ERAP1: variants seen among roughly 807,000 people sequenced by gnomAD.
ERAP1 encodes endoplasmic reticulum aminopeptidase 1, also known as adipocyte-derived leucine aminopeptidase.
In ERAP1, 86 loss-of-function variants were observed where a neutral mutation model predicts 103.7. The ratio of observed to expected loss-of-function variants is 0.83; its 90% CI spans 0.70 to 0.99. The LOEUF is 0.99. ERAP1 is among the 50% of genes least tolerant of loss of function. ERAP1 has a pLI of 0.00. For missense variants in ERAP1, 1,009 were observed against 1,128.4 expected, an observed-to-expected ratio of 0.89 and a Z score of 1.52; for synonymous variants, 398 against 402.4, an observed-to-expected ratio of 0.99 and a Z score of 0.13.
the ERAP1 span, among the ~76,000 whole-genome samples, chr5:96,866,222 C>G: frequency 1.3e-5 from 2 of 152,178 alleles, no homozygotes; most frequent in Non-Finnish European, 2.9e-5. Flanking sequence ...AAAGTGATCA[C>G]ATTTTCTGGT....
At chr5:96,860,786 T>G in the ERAP1 span, among the ~76,000 whole-genome samples, 1 of 152,250 alleles carries the variant, frequency 6.6e-6, no homozygotes, top group African/African-American at 2.4e-5. Flanking sequence ...TCTAAATGAT[T>G]GCCTCACTTT....
At chr5:96,782,900 T>C (rs1026121178) in intron 15 of ERAP1, 151 bp downstream of exon 15, 3 of 758,406 alleles carry the variant, frequency 4.0e-6, no homozygotes, top group East Asian at 2.7e-5. Context: ...ACGAGATACA[T>C]AGATAAATCT....
the ERAP1 span, among the ~76,000 whole-genome samples, chr5:96,913,710 G>C: frequency 6.6e-6 from 1 of 152,182 alleles, no homozygotes; most frequent in Non-Finnish European, 1.5e-5. Context: ...CATCAAGTCC[G>C]AGTTGAATTA....
chr5:96,908,919 A>G, the ERAP1 span: 4 of 1,561,756 alleles, frequency 2.6e-6, no homozygotes, highest in Non-Finnish European at 2.6e-6. Context: ...ATTAAAAACT[A>G]TAAGATATGC....
At chr5:96,917,396 C>T in the ERAP1 span, 21 of 1,387,154 alleles carry the variant, frequency 1.5e-5, no homozygotes, top group Admixed American at 1.6e-4. Context: ...GCTGGGATTA[C>T]AGGTGTGAAC....
rs781281686 is a variant in ERAP1 at position 96,767,895 on chromosome 5, C to A, written c.2819-4667G>T. The A allele has an allele frequency of 3.2e-6, 5 of 1,583,110 alleles. No homozygotes were observed. The African/African-American group carries it at 6.7e-5, about 21-fold the overall frequency. ...GCTTCTTCACTGATGGTTATTTCTA[C>A]TCATATCTCAGAAACCTGCAGATGA... On this transcript the variant is annotated intron_variant, in intron 19 of 19. Transcript: ENST00000296754.
At chr5:96,935,005 G>C in the ERAP1 span, 1 of 152,362 alleles carries the variant, frequency 6.6e-6, no homozygotes, top group Non-Finnish European at 1.5e-5. Flanking sequence ...GTTCGGCCTC[G>C]GAGGCTAGCG....
the ERAP1 span, among the ~76,000 whole-genome samples, chr5:96,911,551 G>T: frequency 1.3e-5 from 2 of 151,890 alleles, no homozygotes; most frequent in Non-Finnish European, 2.9e-5. Context: ...AGACTCTCTA[G>T]GCCTAGAGAG....
In ERAP1 at chr5:96,793,931, AC is replaced by A. The variant is rs1777024269; in HGVS notation, c.945del (p.Gln315HisfsTer10). 1 of 1,614,072 alleles carries A rather than the reference AC, an allele frequency of 6.2e-7. No individual in the cohort carries two copies. Among genetic ancestry groups the A allele is most frequent in the Admixed American group, 1.7e-5 (1 of 60,020 alleles). On this transcript the variant is annotated frameshift_variant, in exon 6 of 19. Transcript: ENST00000443439. LOFTEE classifies it high-confidence loss of function. ...KQDLAAIPDF[Q>X]SGAMENWGLT... ...AGTCCCCAGTTTTCCATAGCACCAG[AC>A]TGAAAGTCGGGAATAGCAGCAAGAT...
chr5:96,797,413 C>T (rs1385119445), intron 3 of ERAP1, 104 bp from the exon 4 acceptor site: 1 of 1,347,360 alleles, frequency 7.4e-7, no homozygotes, highest in South Asian at 1.2e-5. Context: ...TGTATCAATC[C>T]CAGCACTTGG....
At chr5:96,896,988 A>G in the ERAP1 span, 1 of 756,190 alleles carries the variant, frequency 1.3e-6, no homozygotes, top group Non-Finnish European at 1.9e-6. Context: ...CTATGTTGTC[A>G]TGGTCTATAG....
chr5:96,812,630 T>A (rs893581330), upstream of ERAP1, among the ~76,000 whole-genome samples: 11 of 152,268 alleles, frequency 7.2e-5, no homozygotes, highest in African/African-American at 2.7e-4. Context: ...TGAATATCTG[T>A]TGCAATAACT....
Position 96,803,762 on chromosome 5 carries a change from A to G in ERAP1, c.165T>C (p.Pro55=), listed in dbSNP as rs755478041. ...TPFPWNKIRL[P]EYVIPVHYDL... is the part of the protein sequence containing the mutation. ...CATAATGAACTGGGATGACGTACTC[A>G]GGAAGTCGTATTTTATTCCAAGGAA... is the stretch of plus-strand genomic sequence containing the variant. The change falls in exon 2 of 19, where the codon CCT becomes CCC. Residue 55 remains proline, a synonymous_variant. Transcript: ENST00000443439. 22 of 1,614,192 alleles carry G rather than the reference A, an allele frequency of 1.4e-5. No homozygotes were observed. The highest frequency in any genetic ancestry group is 2.2e-5 in the East Asian group (1 of 44,886).
the ERAP1 span, among the ~76,000 whole-genome samples, chr5:96,923,750 G>T: frequency 6.6e-6 from 1 of 151,538 alleles, no homozygotes; most frequent in East Asian, 1.9e-4. Flanking sequence ...ATATCCAGTT[G>T]CCTTTTCTTT....
chr5:96,818,899 T>TGTA, the ERAP1 span, among the ~76,000 whole-genome samples: 16 of 138,022 alleles, frequency 1.2e-4, no homozygotes, highest in Non-Finnish European at 2.6e-4. Context: ...ACTGCATTTA[T>TGTA]TTATTTATTT....
At chr5:96,838,890 T>G in the ERAP1 span, among the ~76,000 whole-genome samples, 1 of 152,162 alleles carries the variant, frequency 6.6e-6, no homozygotes, top group Admixed American at 6.5e-5. Flanking sequence ...TTTCACAAGT[T>G]AAGGGCACAA....
chr5:96,782,705 G>A (rs541371698), intron 15 of ERAP1, among the ~76,000 whole-genome samples: 2 of 152,274 alleles, frequency 1.3e-5, no homozygotes, highest in African/African-American at 4.8e-5. Context: ...TCCCTGTCAG[G>A]GAATTTGGAA....
chr5:96,913,801 T>C, the ERAP1 span, among the ~76,000 whole-genome samples: 3 of 152,218 alleles, frequency 2.0e-5, no homozygotes, highest in Non-Finnish European at 4.4e-5. Context: ...CCTTGTATAG[T>C]GCATCACACA....
At chr5:96,873,540 G>T in the ERAP1 span, 1 of 454,274 alleles carries the variant, frequency 2.2e-6, no homozygotes, top group Middle Eastern at 3.5e-4. Flanking sequence ...TTACACAGGG[G>T]ACACTCTGAG....
Sources: allele counts gnomAD v4.1 joint callset (sites outside exome capture counted in the v4.1 genomes callset), GRCh38; gene constraint gnomAD v4.1.1; transcripts MANE v1.5; gene names NCBI Gene and HGNC (gene_info 2026-07-23, HGNC 2026-07-21).